Variants in GNB1 observed in about 807,000 individuals in gnomAD.
The protein encoded by GNB1 is G protein subunit beta 1.
Under a neutral mutation model 42.9 loss-of-function variants are expected in GNB1, and 2 were observed. The ratio of observed to expected loss-of-function variants is 0.05; its 90% CI spans 0.02 to 0.15. The LOEUF is 0.15. Among genes scored for constraint, GNB1 ranks in the 10% least tolerant of loss-of-function variants. The pLI is 1.00. For synonymous variants in GNB1, 183 were observed against 174.7 expected, an observed-to-expected ratio of 1.05 and a Z score of -0.38; for missense variants, 193 against 462.2, an observed-to-expected ratio of 0.42 and a Z score of 5.34.
At chr1:1,865,126 G>A (rs1648853252) in intron 1 of GNB1, among the ~76,000 whole-genome samples, 1 of 151,464 alleles carries the variant, frequency 6.6e-6, no homozygotes, top group Non-Finnish European at 1.5e-5. Context: ...GCCAGGCGTG[G>A]TGGCGGGCAC....
chr1:1,834,154 C>T (rs1647113819), intron 2 of GNB1, among the ~76,000 whole-genome samples: 1 of 152,030 alleles, frequency 6.6e-6, no homozygotes, highest in South Asian at 2.1e-4. Context: ...TAGACGCTGG[C>T]AACTGGGGGA....
intron 2 of GNB1, 109 bp from the exon 3 acceptor site, chr1:1,825,608 T>C: frequency 1.5e-6 from 1 of 675,130 alleles, no homozygotes; most frequent in South Asian, 1.6e-5. Context: ...CTCAAGCCTG[T>C]AATCCCAGCA....
At chr1:1,864,495 T>C (rs189724793) in intron 1 of GNB1, among the ~76,000 whole-genome samples, 1 of 152,012 alleles carries the variant, frequency 6.6e-6, no homozygotes, top group Non-Finnish European at 1.5e-5. Context: ...TCACAAGTTA[T>C]TCCCTCCGGC....
chr1:1,890,013 G>A (rs927918242), intron 1 of GNB1, among the ~76,000 whole-genome samples: 1 of 152,132 alleles, frequency 6.6e-6, no homozygotes, highest in Admixed American at 6.5e-5. Flanking sequence ...TCGGCGCGGC[G>A]GCGGCCGCCC....
intron 1 of GNB1, among the ~76,000 whole-genome samples, chr1:1,848,476 C>G: frequency 6.6e-6 from 1 of 152,100 alleles, no homozygotes; most frequent in East Asian, 1.9e-4. Flanking sequence ...CTTCCACCAC[C>G]TCCATCCAAG....
chr1:1,871,601 A>C (rs557723360), intron 1 of GNB1, among the ~76,000 whole-genome samples: 5 of 152,162 alleles, frequency 3.3e-5, no homozygotes, highest in Non-Finnish European at 7.3e-5. Context: ...CGACCATCAC[A>C]AAAACAGAAA....
chr1:1,855,158 C>CAAA (rs35111543), intron 1 of GNB1, among the ~76,000 whole-genome samples: 2 of 133,098 alleles, frequency 1.5e-5, no homozygotes, highest in Non-Finnish European at 3.2e-5. Flanking sequence ...GACCGTATCT[C>CAAA]AAAAAAAAAA....
intron 1 of GNB1, among the ~76,000 whole-genome samples, chr1:1,878,496 C>A (rs1649668063): frequency 1.3e-5 from 2 of 152,158 alleles, no homozygotes; most frequent in African/African-American, 4.8e-5. Context: ...GGTTTGTCTT[C>A]TCACCTCCTC....
intron 3 of GNB1, among the ~76,000 whole-genome samples, chr1:1,822,724 A>G (rs1446915530): frequency 1.3e-5 from 2 of 152,152 alleles, no homozygotes; most frequent in East Asian, 1.9e-4. Context: ...GGAATTCACA[A>G]CGTGACAGGG....
intron 2 of GNB1, among the ~76,000 whole-genome samples, chr1:1,828,764 C>T (rs576651335): frequency 1.1e-4 from 17 of 152,168 alleles, no homozygotes; most frequent in Non-Finnish European, 1.9e-4. Context: ...AGGCGTATTC[C>T]TGGCTGGGCA....
chr1:1,791,624 C>T (rs564758759), intron 8 of GNB1, among the ~76,000 whole-genome samples: 4 of 152,282 alleles, frequency 2.6e-5, no homozygotes, highest in African/African-American at 9.6e-5. Context: ...TGTGCCTCGA[C>T]CCATGGAAGG....
chr1:1,849,352 G>A (rs1374374580), intron 1 of GNB1, among the ~76,000 whole-genome samples: 1 of 152,170 alleles, frequency 6.6e-6, no homozygotes, highest in East Asian at 1.9e-4. Flanking sequence ...TCTGCCTGAA[G>A]AACTTCCTCC....
intron 1 of GNB1, among the ~76,000 whole-genome samples, chr1:1,864,184 G>A (rs759732600): frequency 5.9e-5 from 9 of 151,772 alleles, no homozygotes; most frequent in African/African-American, 1.4e-4. Flanking sequence ...TTAGCCAGGC[G>A]TGGTGGCAGG....
At chr1:1,827,587 T>A (rs9786963) in intron 2 of GNB1, among the ~76,000 whole-genome samples, 1 of 152,036 alleles carries the variant, frequency 6.6e-6, no homozygotes, top group Non-Finnish European at 1.5e-5. Flanking sequence ...CTAGCGACTG[T>A]GATTTGTGGA....
At chr1:1,855,994 G>A (rs1395393174) in intron 1 of GNB1, among the ~76,000 whole-genome samples, 1 of 152,204 alleles carries the variant, frequency 6.6e-6, no homozygotes, top group Non-Finnish European at 1.5e-5. Flanking sequence ...GCGTAAAGCA[G>A]CCTCCCAAAT....
At chr1:1,844,054 G>C (rs1647477990) in intron 1 of GNB1, among the ~76,000 whole-genome samples, 1 of 151,996 alleles carries the variant, frequency 6.6e-6, no homozygotes, top group African/African-American at 2.4e-5. Flanking sequence ...AATTAGCTGG[G>C]CGTGGTGGCG....
At chr1:1,814,585 G>C (rs1468911982) in intron 5 of GNB1, among the ~76,000 whole-genome samples, 1 of 151,832 alleles carries the variant, frequency 6.6e-6, no homozygotes, top group African/African-American at 2.4e-5. Context: ...GATCACTTAG[G>C]GGCCAGGAGT....
chr1:1,794,379 C>T (rs536711445), intron 7 of GNB1, among the ~76,000 whole-genome samples: 2 of 152,280 alleles, frequency 1.3e-5, no homozygotes, highest in Admixed American at 6.5e-5. Context: ...ACATTGATCA[C>T]AGTTCTGGTA....
At chr1:1,819,317 G>A (rs745580867) in intron 3 of GNB1, among the ~76,000 whole-genome samples, 7 of 151,946 alleles carry the variant, frequency 4.6e-5, no homozygotes, top group Non-Finnish European at 8.8e-5. Flanking sequence ...CGCCTCCCAG[G>A]TTCAAGTGAT....
Sources: allele counts gnomAD v4.1 joint callset (sites outside exome capture counted in the v4.1 genomes callset), GRCh38; gene constraint gnomAD v4.1.1; transcripts MANE v1.5; gene names NCBI Gene and HGNC (gene_info 2026-07-23, HGNC 2026-07-21).